Variants in CSTL1 observed in about 807,000 individuals in gnomAD.
The protein encoded by CSTL1 is cystatin-like 1.
Under a neutral mutation model 14.4 loss-of-function variants are expected in CSTL1, and 14 were observed. The observed-to-expected ratio is 0.97, with a 90% CI of 0.64 to 1.52. The LOEUF (loss-of-function observed/expected upper bound fraction) is 1.52. Among genes scored for constraint, CSTL1 ranks in the 40% most tolerant of loss-of-function variants. CSTL1 has a pLI of 0.00. For missense variants in CSTL1, 170 were observed against 168.7 expected, an observed-to-expected ratio of 1.01 and a Z score of -0.04; for synonymous variants, 72 against 67.5, an observed-to-expected ratio of 1.07 and a Z score of -0.33.
rs1367480629 is a variant in CSTL1, at chr20:23,443,928, C to T, written c.220-6C>T. ...CCACACTAACAGCACAACTGATTCT[C>T]GGCAGCTGACGACGGGAGTGGAGTA... On this transcript the variant is annotated splice_region_variant and splice_polypyrimidine_tract_variant and intron_variant, in intron 2 of 3. Coordinates refer to ENST00000347397, the MANE Select transcript of CSTL1 (RefSeq NM_138283.1). 24 of 1,607,980 alleles carry T rather than the reference C, an allele frequency of 1.5e-5. No individual in the cohort carries two copies. The highest frequency in any genetic ancestry group is 6.7e-5 in the African/African-American group (5 of 74,722).
intron 2 of CSTL1, among the ~76,000 whole-genome samples, chr20:23,441,852 T>G (rs940052283): frequency 6.6e-6 from 1 of 152,154 alleles, no homozygotes; most frequent in Non-Finnish European, 1.5e-5. Context: ...CACAACTGGC[T>G]ATGGGAAAGC....
the CSTL1 span, among the ~76,000 whole-genome samples, chr20:23,460,494 A>C: frequency 6.6e-6 from 1 of 152,158 alleles, no homozygotes; most frequent in African/African-American, 2.4e-5. Flanking sequence ...TCACTTTTTA[A>C]TTCATAAATT....
At chr20:23,455,239 G>T in the CSTL1 span, among the ~76,000 whole-genome samples, 1 of 152,162 alleles carries the variant, frequency 6.6e-6, no homozygotes, top group Non-Finnish European at 1.5e-5. Flanking sequence ...ATATAAATAA[G>T]AGTTTATTTT....
Position 23,444,793 on chromosome 20 carries a change from T to C in CSTL1, c.353T>C (p.Ile118Thr). The C allele has an allele frequency of 6.2e-7, 1 of 1,613,248 alleles. No homozygotes were observed. The highest frequency in any genetic ancestry group is 1.1e-5 in the South Asian group (1 of 91,070). ...LRKSLICESL[I>T]YTMPWINYFQ... Reference sequence around the variant, plus strand: ...CAGAGTTTAATTTGCGAGTCTTTGATATACACCATGCCCTGGATAAACTAT... The same window carrying C: ...CAGAGTTTAATTTGCGAGTCTTTGACATACACCATGCCCTGGATAAACTAT... The change falls in exon 4 of 4, where the codon ATA becomes ACA. Residue 118 changes from isoleucine to threonine, a missense_variant. Transcript: ENST00000347397.
chr20:23,460,620 A>T, the CSTL1 span, among the ~76,000 whole-genome samples: 3 of 152,140 alleles, frequency 2.0e-5, no homozygotes, highest in Non-Finnish European at 4.4e-5. Context: ...TTCTCTGAAG[A>T]TGATTTTGGG....
downstream of CSTL1, among the ~76,000 whole-genome samples, chr20:23,447,532 G>A (rs564387549): frequency 5.3e-5 from 8 of 150,196 alleles, no homozygotes; most frequent in Non-Finnish European, 1.2e-4. Flanking sequence ...GCAGTGGCAC[G>A]ATCTTGGCTC....
chr20:23,450,713 T>C, the CSTL1 span: 13 of 572,760 alleles, frequency 2.3e-5, 1 homozygote, highest in Admixed American at 9.1e-5. Context: ...ACAATCCTAT[T>C]TGACCACAAA....
chr20:23,443,819 C>G, intron 2 of CSTL1, 115 bp from the exon 3 acceptor site: 1 of 714,288 alleles, frequency 1.4e-6, no homozygotes, highest in Non-Finnish European at 2.4e-6. Flanking sequence ...TGGGTAAGCT[C>G]CGCGAACAAG....
chr20:23,450,572 G>C, the CSTL1 span: 2 of 1,609,538 alleles, frequency 1.2e-6, no homozygotes, highest in Non-Finnish European at 1.7e-6. Context: ...CAAACACTGA[G>C]AAGAAGCAGT....
At chr20:23,457,374 T>C in the CSTL1 span, among the ~76,000 whole-genome samples, 2 of 152,152 alleles carry the variant, frequency 1.3e-5, no homozygotes, top group East Asian at 3.8e-4. Context: ...GTGGCTTCTG[T>C]ATCCGCTATG....
intron 3 of CSTL1, 76 bp from the exon 4 acceptor site, chr20:23,444,695 A>C: frequency 1.1e-6 from 1 of 909,154 alleles, no homozygotes; most frequent in South Asian, 1.4e-5. Flanking sequence ...ACAGGGAGAG[A>C]CCTGGGGAAC....
At chr20:23,440,907 C>T in intron 2 of CSTL1, 2 of 281,396 alleles carry the variant, frequency 7.1e-6, no homozygotes, top group Non-Finnish European at 6.9e-6. Flanking sequence ...CAGGTACGTA[C>T]CACCACACCT....
At chr20:23,445,179 A>G (rs537757428), downstream of CSTL1, among the ~76,000 whole-genome samples, 13 of 151,018 alleles carry the variant, frequency 8.6e-5, no homozygotes, top group South Asian at 2.7e-3. Flanking sequence ...ACACACATTC[A>G]GTGGTCTTCA....
intron 2 of CSTL1, chr20:23,440,688 C>G (rs746127141): frequency 2.9e-6 from 2 of 678,176 alleles, no homozygotes; most frequent in Non-Finnish European, 5.4e-6. Context: ...AAAATGCTTT[C>G]CTAAGGACTG....
the CSTL1 span, among the ~76,000 whole-genome samples, chr20:23,460,076 C>G: frequency 3.9e-5 from 6 of 152,194 alleles, no homozygotes; most frequent in Non-Finnish European, 8.8e-5. Flanking sequence ...ATGAGAATGC[C>G]TTTTCCACAA....
At chr20:23,450,798 G>A in the CSTL1 span, among the ~76,000 whole-genome samples, 1 of 152,108 alleles carries the variant, frequency 6.6e-6, no homozygotes, top group Admixed American at 6.5e-5. Context: ...TATCAAACAA[G>A]ATATTTAGAA....
downstream of CSTL1, among the ~76,000 whole-genome samples, chr20:23,449,038 G>C (rs1404366862): frequency 1.3e-5 from 2 of 152,218 alleles, no homozygotes; most frequent in Admixed American, 1.3e-4. Flanking sequence ...CACTTCAACA[G>C]GGAGAGTAAA....
chr20:23,443,639 G>T (rs958956341), intron 2 of CSTL1, among the ~76,000 whole-genome samples: 2 of 152,224 alleles, frequency 1.3e-5, no homozygotes, highest in African/African-American at 4.8e-5. Context: ...AGTGGCCTGT[G>T]GTGGCCAGGC....
chr20:23,453,738 G>A, the CSTL1 span, among the ~76,000 whole-genome samples: 1 of 152,130 alleles, frequency 6.6e-6, no homozygotes. Context: ...AGGAGCCCTG[G>A]GCACACCCAA....
Sources: allele counts gnomAD v4.1 joint callset (sites outside exome capture counted in the v4.1 genomes callset), GRCh38; gene constraint gnomAD v4.1.1; transcripts MANE v1.5; gene names NCBI Gene and HGNC (gene_info 2026-07-23, HGNC 2026-07-21).